Variants in GRID2IP observed in about 807,000 individuals in gnomAD.
The protein encoded by GRID2IP is Grid2 interacting protein.
A neutral mutation model predicts 114.3 loss-of-function variants in GRID2IP; 78 were observed. The ratio of observed to expected loss-of-function variants is 0.68; its 90% confidence interval spans 0.57 to 0.82. The LOEUF (loss-of-function observed/expected upper bound fraction) is 0.82. Among genes scored for constraint, GRID2IP ranks in the 40% least tolerant of loss-of-function variants. The pLI is 0.00. For missense variants in GRID2IP, 1,727 were observed against 1,678.5 expected, an observed-to-expected ratio of 1.03 and a Z score of -0.51; for synonymous variants, 809 against 724.0, an observed-to-expected ratio of 1.12 and a Z score of -1.89.
chr7:6,518,859 C>T (rs1779360105), intron 7 of GRID2IP, among the ~76,000 whole-genome samples: 1 of 152,138 alleles, frequency 6.6e-6, no homozygotes, highest in Non-Finnish European at 1.5e-5. Flanking sequence ...CAGAGCTAAA[C>T]ACATAGTAAT....
rs944131910 is a variant in GRID2IP at position 6,502,051 on chromosome 7, T to C, written c.3218A>G (p.Gln1073Arg). ...FLHILAKSLSQHFPELLGFAQ... is the reference protein window; with the variant it reads ...FLHILAKSLSRHFPELLGFAQ... Reference sequence around the variant, plus strand: ...AAAGCCCAGGAGTTCAGGGAAGTGCTGGCTCAGCGATTTGGCAAGGATGTG... The same window carrying C: ...AAAGCCCAGGAGTTCAGGGAAGTGCCGGCTCAGCGATTTGGCAAGGATGTG... Residue 1073 changes from glutamine (Q) to arginine (R), a missense_variant, in exon 19 of 22, where the codon CAG becomes CGG. By Grantham distance (43) the Gln-to-Arg change is conservative (BLOSUM62 1). Coordinates refer to ENST00000457091, the MANE Select transcript of GRID2IP (RefSeq NM_001145118.2). 14 of 1,551,314 alleles carry C rather than the reference T, an allele frequency of 9.0e-6. No individual in the cohort carries two copies. The highest frequency in any genetic ancestry group is 1.7e-6 in the Non-Finnish European group (2 of 1,146,938).
chr7:6,537,280 A>G (rs139078415), intron 2 of GRID2IP, among the ~76,000 whole-genome samples: 5,670 of 150,680 alleles, frequency 0.038, 133 homozygotes, highest in Non-Finnish European at 0.053. Flanking sequence ...ACGGTGGCTC[A>G]CGCCTGTAAT....
intron 1 of GRID2IP, among the ~76,000 whole-genome samples, chr7:6,545,855 C>T (rs1049185141): frequency 6.6e-5 from 10 of 152,116 alleles, no homozygotes; most frequent in East Asian, 5.8e-4. Context: ...CCCCTCCCCA[C>T]GCACGCGCCG....
chr7:6,535,863 C>G (rs1451488297), intron 2 of GRID2IP, among the ~76,000 whole-genome samples: 1 of 152,150 alleles, frequency 6.6e-6, no homozygotes, highest in Non-Finnish European at 1.5e-5. Flanking sequence ...TGGCTAGCAC[C>G]TGGCCCATCC....
At position 6,503,149 on chromosome 7, in the gene GRID2IP, G is replaced by A; in HGVS notation, c.2922C>T (p.Pro974=). 1 of 1,532,776 alleles carries A rather than the reference G, an allele frequency of 6.5e-7. No homozygotes were observed. Among genetic ancestry groups the A allele is most frequent in the South Asian group, 1.2e-5 (1 of 82,356 alleles). The allele number at this position is 1,532,776 out of a possible 1,614,324, so 94.9% of individuals were successfully genotyped here. A position where few individuals can be genotyped will look rare whatever the true frequency, so the allele number is the denominator to read the frequency against. Residue 974 remains proline, a synonymous_variant, in exon 17 of 22, where the codon CCC becomes CCT. Transcript: ENST00000457091. ...DQFVLQMLSV[P]EYKTRLRSLH... is the part of the protein sequence containing the mutation. ...GGCTGCGCAGGCGTGTCTTGTATTC[G>A]GGAACTGACAGCATCTGCCTCGAAG...
At chr7:6,542,469 C>A (rs982493006) in intron 1 of GRID2IP, among the ~76,000 whole-genome samples, 1 of 152,018 alleles carries the variant, frequency 6.6e-6, no homozygotes. Context: ...TCCTGGGCAA[C>A]ATAGCATGAC....
In GRID2IP at chr7:6,497,635, C is replaced by A. The variant is rs373275597; in HGVS notation, c.*139G>T. On this transcript the variant is annotated 3_prime_UTR_variant, in exon 22 of 22. Coordinates refer to ENST00000457091, the MANE Select transcript of GRID2IP (RefSeq NM_001145118.2). ...AGAGGAGGGCCCGACCACAGCTCGG[C>A]GGCTGAGGTAGCTGCAGGAGAGGCT... The A allele has an allele frequency of 3.3e-6, 2 of 602,768 alleles. No homozygotes were observed. Among genetic ancestry groups the A allele is most frequent in the Non-Finnish European group, 5.7e-6 (2 of 351,702 alleles). The allele number at this position is 602,768 out of a possible 1,614,324, so 37.3% of individuals were successfully genotyped here.
At position 6,532,752 on chromosome 7, in the gene GRID2IP, A is replaced by G. The variant is rs1355315914; in HGVS notation, c.585-5983T>C. ...TGCCAGCTGCAGTGGCCCAGAATCC[A>G]GAACCACACATGGCCAAAGGCTCTG... On this transcript the variant is annotated intron_variant, in intron 2 of 21. Coordinates refer to ENST00000457091, the MANE Select transcript of GRID2IP (RefSeq NM_001145118.2). The surrounding 1 kb of genome is among the most constrained non-coding windows in gnomAD (Gnocchi z 4.4). Among the ~76,000 whole-genome samples, 1 of 152,228 alleles carries G rather than the reference A, an allele frequency of 6.6e-6. No individual in the cohort carries two copies. Among genetic ancestry groups the G allele is most frequent in the African/African-American group, 2.4e-5 (1 of 41,466 alleles).
At chr7:6,533,052 G>A (rs939164796) in intron 2 of GRID2IP, among the ~76,000 whole-genome samples, 8 of 152,210 alleles carry the variant, frequency 5.3e-5, no homozygotes, top group African/African-American at 1.4e-4. Context: ...TCAACCAGTC[G>A]TGATTTTTGT....
At chr7:6,544,563 A>T (rs1462848790) in intron 1 of GRID2IP, among the ~76,000 whole-genome samples, 1 of 151,980 alleles carries the variant, frequency 6.6e-6, no homozygotes, top group Non-Finnish European at 1.5e-5. Context: ...TACAGGTGTG[A>T]GCCACTGTGC....
At position 6,514,478 on chromosome 7, in the gene GRID2IP, G is replaced by A; in HGVS notation, c.1320C>T (p.Ala440=). The A allele has an allele frequency of 6.5e-7, 1 of 1,549,282 alleles. No homozygotes were observed. The highest frequency in any genetic ancestry group is 8.7e-7 in the Non-Finnish European group (1 of 1,146,046). The part of the protein sequence containing the change: ...VDVYPVLDTP[A]KQVLWQFIYQ... The stretch of plus-strand genomic sequence containing the variant: ...AGATGAACTGCCACAGGACCTGCTT[G>A]GCAGGGGTGTCCAGCACAGGGTAGA... Residue 440 remains alanine (A), a synonymous_variant, in exon 8 of 22, where the codon GCC becomes GCT. Transcript: ENST00000457091.
chr7:6,539,415 C>G (rs528053812), intron 2 of GRID2IP, among the ~76,000 whole-genome samples: 1 of 152,328 alleles, frequency 6.6e-6, no homozygotes, highest in African/African-American at 2.4e-5. Flanking sequence ...GCAGCAGCCA[C>G]CATGCCTGGC....
Position 6,509,752 on chromosome 7 carries a change from C to T in GRID2IP, c.1772-439G>A, listed in dbSNP as rs985558747. Among the ~76,000 whole-genome samples the T allele has an allele frequency of 6.6e-6, 1 of 152,234 alleles. No homozygotes were observed. The highest frequency in any genetic ancestry group is 1.5e-5 in the Non-Finnish European group (1 of 68,038). On this transcript the variant is annotated intron_variant, in intron 11 of 21. Transcript: ENST00000457091. The surrounding 1 kb of genome is among the most constrained non-coding windows in gnomAD (Gnocchi z 4.9). Reference sequence around the variant, plus strand: ...CTTCCCAGCTGTGCCAACGCTGGTACAACGCGTTGCACTTGATCATTTATC... The same window carrying T: ...CTTCCCAGCTGTGCCAACGCTGGTATAACGCGTTGCACTTGATCATTTATC...
In GRID2IP at chr7:6,509,106, C is replaced by T. The variant is rs755538872; in HGVS notation, c.1979G>A (p.Arg660His). The T allele has an allele frequency of 2.3e-4, 71 of 313,790 alleles. No homozygotes were observed. In the East Asian group the frequency reaches 2.8e-3, roughly 12 times the overall value. 19.4% of individuals were successfully genotyped at this position (313,790 alleles called of 1,614,324 possible). The change falls in exon 12 of 22, where the codon CGC (arginine) becomes CAC (histidine). Residue 660 changes from arginine to histidine, a missense_variant. Transcript: ENST00000457091. The surrounding 1 kb of genome is among the most constrained non-coding windows in gnomAD (Gnocchi z 4.9). ...PDSPPSPDPT[R>H]PPSRRKLFTF... is the part of the protein sequence containing the mutation. ...GAAGAGCTTCCTGCGGCTGGGCGGG[C>T]GGGTGGGGTCCGGGCTTGGGGGGCT...
chr7:6,550,047 G>C (rs1428307806), intron 1 of GRID2IP, among the ~76,000 whole-genome samples: 2 of 130,240 alleles, frequency 1.5e-5, no homozygotes, highest in African/African-American at 4.9e-5. Context: ...CTGGAATGCA[G>C]TGGTGCAGTC....
At chr7:6,546,840 G>T (rs1365154391) in intron 1 of GRID2IP, among the ~76,000 whole-genome samples, 1 of 152,152 alleles carries the variant, frequency 6.6e-6, no homozygotes, top group African/African-American at 2.4e-5. Flanking sequence ...AGCTCTGAAC[G>T]TGCCCCCTTC....
chr7:6,528,423 T>C lies in GRID2IP; in HGVS notation c.585-1654A>G, dbSNP rs1779557037. Reference sequence around the variant, plus strand: ...TCTCCACGGTTACACAGCTGGCCTGTGGCACAGCTGGCATCAGAGAACAGA... The same window carrying C: ...TCTCCACGGTTACACAGCTGGCCTGCGGCACAGCTGGCATCAGAGAACAGA... On this transcript the variant is annotated intron_variant, in intron 2 of 21. Coordinates refer to ENST00000457091, the MANE Select transcript of GRID2IP (RefSeq NM_001145118.2). The surrounding 1 kb of genome is among the most constrained non-coding windows in gnomAD (Gnocchi z 6.0). Among the ~76,000 whole-genome samples, 1 of 152,200 alleles carries C rather than the reference T, an allele frequency of 6.6e-6. No individual in the cohort carries two copies. The highest frequency in any genetic ancestry group is 2.4e-5 in the African/African-American group (1 of 41,444).
intron 16 of GRID2IP, 21 bp downstream of exon 16, chr7:6,503,470 G>A (rs1466709657): frequency 1.3e-6 from 2 of 1,508,904 alleles, no homozygotes; most frequent in East Asian, 2.6e-5. Flanking sequence ...AGGCCTCGGG[G>A]CGGGGTTGTG....
Position 6,526,457 on chromosome 7 carries a change from G to A in GRID2IP, c.833+64C>T. Reference sequence around the variant, plus strand: ...GCCCCGCCCCTACGCCCTCTCCCCGGGTCTCGGTCCCGAGCCCACCCGCAG... The same window carrying A: ...GCCCCGCCCCTACGCCCTCTCCCCGAGTCTCGGTCCCGAGCCCACCCGCAG... On this transcript the variant is annotated intron_variant, in intron 3 of 21. Coordinates refer to ENST00000457091, the MANE Select transcript of GRID2IP (RefSeq NM_001145118.2). The surrounding 1 kb of genome is among the most constrained non-coding windows in gnomAD (Gnocchi z 7.6). 3 of 1,468,526 alleles carry A rather than the reference G, an allele frequency of 2.0e-6. No individual in the cohort carries two copies. The highest frequency in any genetic ancestry group is 2.7e-6 in the Non-Finnish European group (3 of 1,108,912). The allele number at this position is 1,468,526 out of a possible 1,614,324, so 91.0% of individuals were successfully genotyped here.
Sources: allele counts gnomAD v4.1 joint callset (sites outside exome capture counted in the v4.1 genomes callset), GRCh38; gene constraint gnomAD v4.1.1; non-coding constraint Gnocchi (gnomAD v3.1); transcripts MANE v1.5; gene names NCBI Gene and HGNC (gene_info 2026-07-23, HGNC 2026-07-21).